Variants in SETD3 observed in about 807,000 individuals in gnomAD.
SETD3 encodes actin-histidine N-methyltransferase.
Under a neutral mutation model 63.0 loss-of-function variants are expected in SETD3, and 19 were observed. The observed-to-expected ratio is 0.30, with a 90% CI of 0.21 to 0.44. The LOEUF (loss-of-function observed/expected upper bound fraction) is 0.44. SETD3 is among the 20% of genes least tolerant of loss of function. The pLI is 1.00. For synonymous variants in SETD3, 286 were observed against 264.1 expected, an observed-to-expected ratio of 1.08 and a Z score of -0.80; for missense variants, 587 against 728.5, an observed-to-expected ratio of 0.81 and a Z score of 2.24.
In SETD3 at chr14:99,399,108, C is replaced by G. The variant is rs551591507; in HGVS notation, c.1356G>C (p.Leu452Phe). 1.2e-6 allele frequency: 2 copies of G among 1,613,416 alleles called. No individual in the cohort carries two copies. Among genetic ancestry groups the G allele is most frequent in the African/African-American group, 2.7e-5 (2 of 74,960 alleles). ...KTTIEEDKSVLKNHDLSVRAK... is the reference protein window; with the variant it reads ...KTTIEEDKSVFKNHDLSVRAK... ...CACGAACAGAAAGATCGTGGTTTTT[C>G]AAGACGGATTTATCTTCCTGGAAAA... Residue 452 changes from leucine (L) to phenylalanine (F), a missense_variant, in exon 13 of 13, where the codon TTG becomes TTC. By Grantham distance (22) the Leu-to-Phe change is conservative. Coordinates refer to ENST00000331768, the MANE Select transcript of SETD3 (RefSeq NM_032233.3).
chr14:99,484,515 A>G (rs1317164256), upstream of SETD3, among the ~76,000 whole-genome samples: 1 of 152,264 alleles, frequency 6.6e-6, no homozygotes, highest in Non-Finnish European at 1.5e-5. Flanking sequence ...CCTGTTTGAA[A>G]GACAATCAAT....
At chr14:99,472,784 T>C (rs1279478298) in intron 1 of SETD3, among the ~76,000 whole-genome samples, 2 of 152,142 alleles carry the variant, frequency 1.3e-5, no homozygotes, top group African/African-American at 4.8e-5. Flanking sequence ...CAGGTATAAT[T>C]TACAAATACT....
chr14:99,423,839 G>C (rs1330061128), intron 6 of SETD3, among the ~76,000 whole-genome samples: 2 of 152,014 alleles, frequency 1.3e-5, no homozygotes, highest in African/African-American at 4.8e-5. Flanking sequence ...GGATATCCAA[G>C]TAGCACAAGT....
rs1223079812 is a variant in SETD3, at chr14:99,398,962, T to G, written c.1502A>C (p.Lys501Thr). The G allele has an allele frequency of 6.2e-7, 1 of 1,614,112 alleles. No homozygotes were observed. Among genetic ancestry groups the G allele is most frequent in the Non-Finnish European group, 8.5e-7 (1 of 1,179,986 alleles). ...QQMEEKAPLP[K>T]YEESNLGLLE... ...CAGCCCAAGGTTACTCTCTTCATAT[T>G]TGGGAAGCGGAGCCTTTTCCTCCAT... The change falls in exon 13 of 13, where the codon AAA becomes ACA. Residue 501 changes from lysine to threonine, a missense_variant. Lys to Thr is a moderately conservative substitution (Grantham distance 78). Transcript: ENST00000331768.
chr14:99,437,665 G>A (rs1257627768), intron 6 of SETD3, among the ~76,000 whole-genome samples: 4 of 152,222 alleles, frequency 2.6e-5, no homozygotes, highest in East Asian at 1.9e-4. Context: ...ATGTGTGTGC[G>A]TGCCTGTACG....
At chr14:99,405,821 T>G (rs982530427) in intron 9 of SETD3, among the ~76,000 whole-genome samples, 2 of 152,232 alleles carry the variant, frequency 1.3e-5, no homozygotes, top group African/African-American at 4.8e-5. Flanking sequence ...AGAAACTTAT[T>G]TCTAGATCCT....
At chr14:99,435,109 C>T (rs762423541) in intron 6 of SETD3, among the ~76,000 whole-genome samples, 1 of 152,088 alleles carries the variant, frequency 6.6e-6, no homozygotes, top group Non-Finnish European at 1.5e-5. Context: ...ATACCATTTA[C>T]CACCAGGTAC....
At chr14:99,460,457 C>G (rs1895007881) in intron 4 of SETD3, among the ~76,000 whole-genome samples, 1 of 152,112 alleles carries the variant, frequency 6.6e-6, no homozygotes, top group Admixed American at 6.5e-5. Context: ...CCGCCCTCCC[C>G]ACATGTGGCC....
chr14:99,399,914 GTAT>G (rs1891296563), intron 12 of SETD3, among the ~76,000 whole-genome samples, 182 bp downstream of exon 12: 1 of 151,844 alleles, frequency 6.6e-6, no homozygotes, highest in African/African-American at 2.4e-5. Flanking sequence ...GCTAATTTCT[GTAT>G]TTTTAGTAGA....
chr14:99,471,628 A>G lies in SETD3; in HGVS notation c.-8-5815T>C, dbSNP rs1389554045. 2.0e-5 allele frequency among the ~76,000 whole-genome samples: 3 copies of G among 152,254 alleles called. 1 individual carries two copies. The East Asian group carries it at 5.8e-4, about 29-fold the overall frequency. On this transcript the variant is annotated intron_variant, in intron 1 of 12. Coordinates refer to ENST00000331768, the MANE Select transcript of SETD3 (RefSeq NM_032233.3). Reference sequence around the variant, plus strand: ...GCCATTGGGCTGGAGCCTGGGTAACATAGCAAAATCCTGTCTCAAAAAAAA... The same window carrying G: ...GCCATTGGGCTGGAGCCTGGGTAACGTAGCAAAATCCTGTCTCAAAAAAAA...
In SETD3 at chr14:99,458,371, G is replaced by A. The variant is rs372797302; in HGVS notation, c.583C>T (p.Arg195Trp). The change falls in exon 6 of 13, where the codon CGG becomes TGG. Residue 195 changes from arginine to tryptophan, a missense_variant. Arg to Trp is a moderately radical substitution (Grantham distance 101, BLOSUM62 -3). Transcript: ENST00000331768. The part of the protein sequence containing the change: ...TPLYFEEDEV[R>W]YLQSTQAIHD... ...ATAGCTTGTGTGGACTGAAGATACC[G>A]AACTTCATCTTCTTCAAAGTAGAGA... is the stretch of plus-strand genomic sequence containing the variant. 8.4e-5 allele frequency: 136 copies of A among 1,614,090 alleles called. No homozygotes were observed. Among genetic ancestry groups the A allele is most frequent in the East Asian group, 3.8e-4 (17 of 44,876 alleles).
intron 8 of SETD3, among the ~76,000 whole-genome samples, chr14:99,407,495 C>G (rs1891748007): frequency 6.6e-6 from 1 of 152,196 alleles, no homozygotes; most frequent in Non-Finnish European, 1.5e-5. Context: ...CAATACTGTC[C>G]TTCTGGAGTT....
intron 1 of SETD3, among the ~76,000 whole-genome samples, chr14:99,479,921 G>A (rs1896178436): frequency 6.6e-6 from 1 of 152,222 alleles, no homozygotes; most frequent in African/African-American, 2.4e-5. Flanking sequence ...AGCCAGGGGC[G>A]CGCGTCACTG....
intron 1 of SETD3, among the ~76,000 whole-genome samples, chr14:99,469,904 T>A (rs912572952): frequency 1.3e-5 from 2 of 152,226 alleles, no homozygotes; most frequent in Non-Finnish European, 2.9e-5. Flanking sequence ...GTAGCCCACA[T>A]TTCAACTTCT....
intron 6 of SETD3, among the ~76,000 whole-genome samples, chr14:99,423,354 T>A (rs1892689895): frequency 6.6e-6 from 1 of 152,014 alleles, no homozygotes; most frequent in Non-Finnish European, 1.5e-5. Flanking sequence ...GGCAACGAAC[T>A]GAATTATAGG....
chr14:99,478,698 A>C (rs1338239694), intron 1 of SETD3: 1 of 152,088 alleles, frequency 6.6e-6, no homozygotes, highest in Non-Finnish European at 1.5e-5. Flanking sequence ...TTGTCTACTA[A>C]ATATTCACTC....
At chr14:99,442,425 CA>C (rs1315091289) in intron 6 of SETD3, among the ~76,000 whole-genome samples, 1 of 152,144 alleles carries the variant, frequency 6.6e-6, no homozygotes, top group Non-Finnish European at 1.5e-5. Flanking sequence ...GGAAGATAGA[CA>C]AATGAAGGAA....
intron 8 of SETD3, 141 bp from the exon 9 acceptor site, chr14:99,406,731 T>C (rs1006167074): frequency 1.3e-6 from 1 of 747,036 alleles, no homozygotes; most frequent in East Asian, 2.7e-5. Context: ...CTTTGGAAAA[T>C]GGGGCAAAGA....
In SETD3 at chr14:99,465,734, T is replaced by C. The variant is rs34435718; in HGVS notation, c.72A>G (p.Glu24=). 1.4e-3 allele frequency: 2,279 copies of C among 1,614,056 alleles called. 25 individuals carry two copies. The African/African-American group carries it at 0.025, about 18-fold the overall frequency. ...GCAGCTCACTGGTCAGGTTCAAGAT[T>C]TCCTTTGGTGACACAGTTGCTGTAG... The part of the protein sequence containing the change: ...TGATATVSPK[E]ILNLTSELLQ... Residue 24 remains glutamate, a synonymous_variant, in exon 2 of 13, where the codon GAA becomes GAG. Coordinates refer to ENST00000331768, the MANE Select transcript of SETD3 (RefSeq NM_032233.3).
Sources: gnomAD v4.1 joint callset for allele counts (sites outside exome capture counted in the v4.1 genomes callset) on GRCh38, gnomAD v4.1.1 for gene constraint, MANE v1.5 for transcripts, NCBI Gene and HGNC (gene_info 2026-07-23, HGNC 2026-07-21) for gene names.